Variants in RBFOX1 observed in about 807,000 individuals in gnomAD.
The protein encoded by RBFOX1 is RNA binding fox-1 homolog 1.
RBFOX1 carries 8 observed loss-of-function variants against 57.7 expected under a neutral mutation model. The ratio of observed to expected loss-of-function variants is 0.14; its 90% confidence interval spans 0.08 to 0.25. RBFOX1 has a LOEUF of 0.25. RBFOX1 is among the 10% of genes least tolerant of loss of function. The pLI, the probability that RBFOX1 is intolerant of heterozygous loss-of-function variation, is 1.00. For synonymous variants in RBFOX1, 326 were observed against 222.4 expected (o/e 1.47, Z -4.15); for missense variants, 611 against 548.5 (o/e 1.11, Z -1.14).
At chr16:5,498,869 T>C (rs563484880) in intron 2 of RBFOX1, among the ~76,000 whole-genome samples, 5 of 152,230 alleles carry the variant, frequency 3.3e-5, no homozygotes, top group Non-Finnish European at 5.9e-5. Flanking sequence ...GGATCTCTCC[T>C]CTGTAAGGCC....
At chr16:6,176,569 C>A (rs932305311) in intron 1 of RBFOX1, among the ~76,000 whole-genome samples, 3 of 152,014 alleles carry the variant, frequency 2.0e-5, no homozygotes, top group Non-Finnish European at 4.4e-5. Context: ...TTTGATGATA[C>A]CATGTTTGCA....
At chr16:5,723,581 T>A (rs1180700988) in intron 3 of RBFOX1, among the ~76,000 whole-genome samples, 5 of 152,052 alleles carry the variant, frequency 3.3e-5, no homozygotes. Context: ...CACAGGAAAC[T>A]GTGGATTAAA....
intron 3 of RBFOX1, among the ~76,000 whole-genome samples, chr16:6,908,680 C>G (rs1054270437): frequency 1.3e-5 from 2 of 152,072 alleles, no homozygotes; most frequent in East Asian, 1.9e-4. Flanking sequence ...CATGCAGGGT[C>G]CAGTTGGGAT....
chr16:6,142,365 G>C (rs1396239316), intron 1 of RBFOX1, among the ~76,000 whole-genome samples: 1 of 151,564 alleles, frequency 6.6e-6, no homozygotes, highest in Non-Finnish European at 1.5e-5. Flanking sequence ...GGGACTACAG[G>C]CGCCCGCCTC....
At chr16:7,040,459 C>T (rs35922715) in intron 3 of RBFOX1, among the ~76,000 whole-genome samples, 14,315 of 152,102 alleles carry the variant, frequency 0.094, 1,099 homozygotes, top group East Asian at 0.32. Flanking sequence ...ATTATTGCTG[C>T]TCTTAGTATG....
intron 3 of RBFOX1, among the ~76,000 whole-genome samples, chr16:6,820,617 C>G (rs1208881019): frequency 1.3e-5 from 2 of 151,984 alleles, no homozygotes; most frequent in African/African-American, 2.4e-5. Context: ...CATGATCACA[C>G]TACTACAGTC....
chr16:6,877,529 C>T (rs978313814), intron 3 of RBFOX1, among the ~76,000 whole-genome samples: 1 of 152,140 alleles, frequency 6.6e-6, no homozygotes, highest in African/African-American at 2.4e-5. Context: ...CATCGACTCT[C>T]AGTGCTTGGA....
At chr16:6,543,878 C>T (rs1369105524) in intron 2 of RBFOX1, among the ~76,000 whole-genome samples, 2 of 151,920 alleles carry the variant, frequency 1.3e-5, no homozygotes, top group South Asian at 2.1e-4. Context: ...AGAAGGGGAA[C>T]CCAGGAAGGA....
chr16:6,787,655 AG>A (rs1375044920), intron 3 of RBFOX1, among the ~76,000 whole-genome samples: 2 of 152,230 alleles, frequency 1.3e-5, no homozygotes, highest in Non-Finnish European at 2.9e-5. Flanking sequence ...CGTTATTACA[AG>A]ATGAAAGAGA....
At chr16:5,441,338 C>A (rs555051430) in intron 1 of RBFOX1, among the ~76,000 whole-genome samples, 1 of 148,438 alleles carries the variant, frequency 6.7e-6, no homozygotes, top group African/African-American at 2.5e-5. Context: ...ATACCTGAGA[C>A]TGGTTAATTT....
intron 4 of RBFOX1, among the ~76,000 whole-genome samples, chr16:7,312,597 C>T (rs976054926): frequency 6.6e-6 from 1 of 152,148 alleles, no homozygotes; most frequent in Non-Finnish European, 1.5e-5. Flanking sequence ...TCTTCTCTTT[C>T]TTCCTCCAGT....
chr16:5,665,934 G>T (rs577746487), intron 3 of RBFOX1, among the ~76,000 whole-genome samples: 1 of 152,256 alleles, frequency 6.6e-6, no homozygotes, highest in Non-Finnish European at 1.5e-5. Context: ...GCACGCCTGC[G>T]TTGGGAGAGA....
At chr16:5,440,945 T>C (rs1431551061) in intron 1 of RBFOX1, among the ~76,000 whole-genome samples, 1 of 152,172 alleles carries the variant, frequency 6.6e-6, no homozygotes, top group Admixed American at 6.5e-5. Flanking sequence ...CCAGACTCAC[T>C]TTGTCATACT....
At chr16:6,054,941 C>T (rs1303881179) in intron 1 of RBFOX1, among the ~76,000 whole-genome samples, 1 of 152,004 alleles carries the variant, frequency 6.6e-6, no homozygotes, top group Non-Finnish European at 1.5e-5. Context: ...TGCCACTATG[C>T]TTGGCTAATT....
At chr16:6,415,832 G>GT (rs2093610290) in intron 2 of RBFOX1, among the ~76,000 whole-genome samples, 1 of 152,210 alleles carries the variant, frequency 6.6e-6, no homozygotes, top group South Asian at 2.1e-4. Context: ...GACAGCTAAC[G>GT]TAGGGACTTC....
Position 5,594,996 on chromosome 16 carries a change from A to T in RBFOX1, c.259-3906A>T, listed in dbSNP as rs1476356607. ...AAAAAAAAAAAAAAAAAAAAAAAAAATTAGCCAGGTATGGTGGTGGGCACC... is the reference window on the plus strand; with the variant it reads ...AAAAAAAAAAAAAAAAAAAAAAAAATTTAGCCAGGTATGGTGGTGGGCACC... On this transcript the variant is annotated intron_variant, in intron 2 of 2. Coordinates refer to the RBFOX1 transcript ENST00000585867. Among the ~76,000 whole-genome samples, 11 of 122,380 alleles carry T rather than the reference A, an allele frequency of 9.0e-5. No homozygotes were observed. The South Asian group carries it at 3.0e-3, about 33-fold the overall frequency. 80.3% of individuals were successfully genotyped at this position (122,380 alleles called of 152,430 possible).
At position 7,712,630 on chromosome 16, in the gene RBFOX1, T is replaced by A; in HGVS notation, c.*1885T>A. 1 of 151,454 alleles carries A rather than the reference T, an allele frequency of 6.6e-6. No homozygotes were observed. Among genetic ancestry groups the A allele is most frequent in the East Asian group, 1.9e-4 (1 of 5,156 alleles). 9.4% of individuals were successfully genotyped at this position (151,454 alleles called of 1,614,324 possible). A position where few individuals can be genotyped will look rare whatever the true frequency, so the allele number is the denominator to read the frequency against. ...TTTTCACCAGACTTCTTTGGGTGGGTGAGGGGAGGGGCAAGAGGGTGTTTT... is the reference window on the plus strand; with the variant it reads ...TTTTCACCAGACTTCTTTGGGTGGGAGAGGGGAGGGGCAAGAGGGTGTTTT... On this transcript the variant is annotated 3_prime_UTR_variant, in exon 16 of 16. Transcript: ENST00000550418.
chr16:7,440,812 G>T (rs2098760111), intron 4 of RBFOX1, among the ~76,000 whole-genome samples: 1 of 152,218 alleles, frequency 6.6e-6, no homozygotes, highest in Non-Finnish European at 1.5e-5. Context: ...ACATTTAGCA[G>T]CCCTCAAGGG....
At chr16:6,215,216 G>A (rs990311904) in intron 1 of RBFOX1, among the ~76,000 whole-genome samples, 3 of 133,110 alleles carry the variant, frequency 2.3e-5, no homozygotes, top group Middle Eastern at 5.1e-3. Context: ...GAGGGAGAGG[G>A]GGAGAGACAA....
Sources: allele counts gnomAD v4.1 joint callset (sites outside exome capture counted in the v4.1 genomes callset), GRCh38; gene constraint gnomAD v4.1.1; transcripts MANE v1.5; gene names NCBI Gene and HGNC (gene_info 2026-07-23, HGNC 2026-07-21).